Variants in PLEKHJ1 observed in about 807,000 individuals in gnomAD.
The protein encoded by PLEKHJ1 is pleckstrin homology domain-containing family J member 1.
A neutral mutation model predicts 21.7 loss-of-function variants in PLEKHJ1; 20 were observed. That is an observed-to-expected ratio of 0.92 (90% confidence interval 0.65 to 1.34). PLEKHJ1 has a LOEUF of 1.34. PLEKHJ1 is among the 40% of genes most tolerant of loss of function. The pLI is 0.00. For synonymous variants in PLEKHJ1, 113 were observed against 80.6 expected (o/e 1.40, Z -2.15); for missense variants, 241 against 202.0 (o/e 1.19, Z -1.17).
At chr19:2,232,506 C>G (rs2024649826), downstream of PLEKHJ1, 1 of 221,132 alleles carries the variant, frequency 4.5e-6, no homozygotes, top group South Asian at 1.8e-4. Flanking sequence ...GCAGGCGCCC[C>G]TTCCTCTGGG....
At chr19:2,230,257 C>T (rs973239638), downstream of PLEKHJ1, 182 of 421,276 alleles carry the variant, frequency 4.3e-4, 1 homozygote, top group Non-Finnish European at 1.2e-4. Flanking sequence ...GCCGCCCGGC[C>T]GGCTCCCCCG....
chr19:2,235,140 C>T (rs1002961560), intron 3 of PLEKHJ1: 3 of 152,284 alleles, frequency 2.0e-5, no homozygotes, highest in Admixed American at 1.3e-4. Flanking sequence ...CTTCCACAAG[C>T]CAAGGAACCT....
At chr19:2,230,637 T>C (rs1163471550), downstream of PLEKHJ1, 3 of 398,502 alleles carry the variant, frequency 7.5e-6, no homozygotes, top group East Asian at 3.6e-5. Context: ...GTCACACTAA[T>C]GAGTGGCAGT....
Position 2,233,753 on chromosome 19 carries a change from A to AAC in PLEKHJ1, c.*86_*87insGT. The AAC allele has an allele frequency of 7.4e-7, 1 of 1,356,286 alleles. No individual in the cohort carries two copies. The highest frequency in any genetic ancestry group is 1.0e-6 in the Non-Finnish European group (1 of 992,458). The allele number at this position is 1,356,286 out of a possible 1,614,324, so 84.0% of individuals were successfully genotyped here. On this transcript the variant is annotated 3_prime_UTR_variant, in exon 6 of 6. Transcript: ENST00000326631. Reference sequence around the variant, plus strand: ...CCTGACCCAAAAACCAAAAACCAAAACAAAACAGATCCAGGCATGGCCAAG... The same window carrying AAC: ...CCTGACCCAAAAACCAAAAACCAAAAACCAAAACAGATCCAGGCATGGCCAAG...
At chr19:2,229,981 G>A, downstream of PLEKHJ1, 1 of 808,838 alleles carries the variant, frequency 1.2e-6, no homozygotes, top group Non-Finnish European at 1.9e-6. Flanking sequence ...ACTGTCGATA[G>A]TTTTAGATAA....
rs775597482 is a variant in PLEKHJ1 at position 2,236,006 on chromosome 19, G to T, written c.95-16C>A. ...CGCTTCAGCACTGCGGGCACAGCGC[G>T]CACTCAGGGGCGCAGGCAGCCCCCG... On this transcript the variant is annotated splice_polypyrimidine_tract_variant and intron_variant, in intron 1 of 5. Coordinates refer to ENST00000326631, the MANE Select transcript of PLEKHJ1 (RefSeq NM_018049.3). The T allele has an allele frequency of 1.3e-6, 2 of 1,598,412 alleles. No homozygotes were observed. Among genetic ancestry groups the T allele is most frequent in the South Asian group, 2.2e-5 (2 of 89,368 alleles).
intron 3 of PLEKHJ1, chr19:2,234,545 C>G (rs190235257): frequency 2.1e-5 from 7 of 334,514 alleles, no homozygotes; most frequent in Middle Eastern, 1.7e-3. Flanking sequence ...ATCCCCATCT[C>G]TACAAAAACA....
At position 2,233,912 on chromosome 19, in the gene PLEKHJ1, G is replaced by A; in HGVS notation, c.385-7C>T. 6.2e-7 allele frequency: 1 copy of A among 1,612,686 alleles called. No homozygotes were observed. On this transcript the variant is annotated splice_region_variant and splice_polypyrimidine_tract_variant and intron_variant, in intron 5 of 5. Transcript: ENST00000326631. ...CGAACTGTTCCAGGGGGTCCTGTGGGGAGGACGGGTGGCCATGAGCCAGGG... is the reference window on the plus strand; with the variant it reads ...CGAACTGTTCCAGGGGGTCCTGTGGAGAGGACGGGTGGCCATGAGCCAGGG...
At chr19:2,230,283 AC>A (rs1338239904), downstream of PLEKHJ1, 10 of 420,348 alleles carry the variant, frequency 2.4e-5, no homozygotes, top group Non-Finnish European at 3.8e-5. Flanking sequence ...CTGCTCCCGT[AC>A]CAAAGGCAGG....
At chr19:2,232,304 A>T (rs1469961633), downstream of PLEKHJ1, 2 of 207,232 alleles carry the variant, frequency 9.7e-6, no homozygotes, top group African/African-American at 4.6e-5. Context: ...TGCCCCCAGG[A>T]TGCGTCAGTC....
chr19:2,234,287 G>A (rs768674488), intron 3 of PLEKHJ1, 47 bp from the exon 4 acceptor site: 28 of 1,439,650 alleles, frequency 1.9e-5, no homozygotes, highest in Non-Finnish European at 2.7e-5. Flanking sequence ...GCCACAAGCA[G>A]CTTCCTCTTG....
downstream of PLEKHJ1, chr19:2,230,940 G>C (rs1310615717): frequency 3.7e-6 from 1 of 267,832 alleles, no homozygotes; most frequent in African/African-American, 2.2e-5. Flanking sequence ...AGCTGCTGTG[G>C]GTGTGCTGGG....
At chr19:2,235,533 G>C in intron 3 of PLEKHJ1, 2 of 563,962 alleles carry the variant, frequency 3.5e-6, no homozygotes, top group Non-Finnish European at 6.3e-6. Flanking sequence ...ACAAAGAGCA[G>C]AGTCTGGGAG....
At chr19:2,230,357 G>C (rs894725074), downstream of PLEKHJ1, 32 of 411,330 alleles carry the variant, frequency 7.8e-5, no homozygotes, top group African/African-American at 5.5e-4. Context: ...GAGCGCCCTG[G>C]CGCCTGCCCT....
chr19:2,232,236 C>CT (rs2024633127), downstream of PLEKHJ1: 1 of 219,622 alleles, frequency 4.6e-6, no homozygotes, highest in South Asian at 1.8e-4. Flanking sequence ...AGGATACCCC[C>CT]TCCTCGGCCC....
chr19:2,234,070 A>G lies in PLEKHJ1; in HGVS notation c.321-9T>C. 1 of 1,613,512 alleles carries G rather than the reference A, an allele frequency of 6.2e-7. No homozygotes were observed. The highest frequency in any genetic ancestry group is 8.5e-7 in the Non-Finnish European group (1 of 1,180,016). On this transcript the variant is annotated splice_polypyrimidine_tract_variant and intron_variant, in intron 4 of 5. Coordinates refer to ENST00000326631, the MANE Select transcript of PLEKHJ1 (RefSeq NM_018049.3). ...TCCGCATGAACTCGTAGCTGGGGAA[A>G]AGGGTGGCACGGGGTCAAATGCCCG...
In PLEKHJ1 at chr19:2,234,221, C is replaced by T. The variant is rs760685373; in HGVS notation, c.249G>A (p.Glu83=). The T allele has an allele frequency of 6.2e-7, 1 of 1,613,008 alleles. No homozygotes were observed. Among genetic ancestry groups the T allele is most frequent in the Non-Finnish European group, 8.5e-7 (1 of 1,179,876 alleles). ...TGCTGCACTCAAAGTGATACTTCCT[C>T]TCAGGGTCCTCAATGAAGCCTGGGG... is the stretch of plus-strand genomic sequence containing the variant. ...TFSISFIEDP[E]RKYHFECSSE... Residue 83 remains glutamate (E), a synonymous_variant, in exon 4 of 6, where the codon GAG becomes GAA. Coordinates refer to ENST00000326631, the MANE Select transcript of PLEKHJ1 (RefSeq NM_018049.3).
At chr19:2,232,974 C>G (rs1243831395), downstream of PLEKHJ1, among the ~76,000 whole-genome samples, 1 of 152,190 alleles carries the variant, frequency 6.6e-6, no homozygotes, top group Non-Finnish European at 1.5e-5. Context: ...TGATACCACA[C>G]AGCAGCTCTG....
In PLEKHJ1 at chr19:2,233,853, C is replaced by A. The variant is rs1176713290; in HGVS notation, c.437G>T (p.Gly146Val). ...ISEEARFQLS[G>V]LQA ...CGTGCCCTGCGCTCACGCCTGCAAGCCACTCAGCTGGAACCTGGCCTCCTC... is the reference window on the plus strand; with the variant it reads ...CGTGCCCTGCGCTCACGCCTGCAAGACACTCAGCTGGAACCTGGCCTCCTC... The change falls in exon 6 of 6, where the codon GGC becomes GTC. Residue 146 changes from glycine (G) to valine (V), a missense_variant. Coordinates refer to ENST00000326631, the MANE Select transcript of PLEKHJ1 (RefSeq NM_018049.3). 1 of 1,610,564 alleles carries A rather than the reference C, an allele frequency of 6.2e-7. No individual in the cohort carries two copies. The highest frequency in any genetic ancestry group is 1.1e-5 in the South Asian group (1 of 90,970).
Sources: allele counts gnomAD v4.1 joint callset (sites outside exome capture counted in the v4.1 genomes callset), GRCh38; gene constraint gnomAD v4.1.1; transcripts MANE v1.5; gene names NCBI Gene and HGNC (gene_info 2026-07-23, HGNC 2026-07-21).